Variants in ERC2 observed in about 807,000 individuals in gnomAD.
The protein encoded by ERC2 is ELKS/RAB6-interacting/CAST family member 2.
A neutral mutation model predicts 114.8 loss-of-function variants in ERC2; 42 were observed. That is an observed-to-expected ratio of 0.37 (90% confidence interval 0.29 to 0.47). The LOEUF is 0.47. Ranked by LOEUF, ERC2 falls within the 20% of genes least tolerant of loss-of-function variation. The pLI, the probability that ERC2 is intolerant of heterozygous loss-of-function variation, is 0.99. For synonymous variants in ERC2, 454 were observed against 425.5 expected (o/e 1.07, Z -0.82); for missense variants, 939 against 1,150.7 (o/e 0.82, Z 2.66).
chr3:55,699,954 A>G (rs2063134674), intron 15 of ERC2, among the ~76,000 whole-genome samples: 1 of 152,186 alleles, frequency 6.6e-6, no homozygotes, highest in Middle Eastern at 3.2e-3. Context: ...CAGATAAACA[A>G]TGGTCTCACA....
chr3:56,197,856 T>C (rs919051021), intron 3 of ERC2, among the ~76,000 whole-genome samples: 3 of 152,212 alleles, frequency 2.0e-5, no homozygotes, highest in African/African-American at 7.2e-5. Flanking sequence ...AAATTCTTAG[T>C]GTTTGGGTTC....
chr3:55,625,973 A>G (rs1199720301), intron 17 of ERC2, among the ~76,000 whole-genome samples: 2 of 152,168 alleles, frequency 1.3e-5, no homozygotes, highest in African/African-American at 2.4e-5. Context: ...GAAGTACCCT[A>G]TTATCTCAGG....
chr3:55,950,412 A>G lies in ERC2; in HGVS notation c.2403+13T>C. 6.2e-7 allele frequency: 1 copy of G among 1,613,806 alleles called. No homozygotes were observed. The highest frequency in any genetic ancestry group is 1.1e-5 in the South Asian group (1 of 91,072). On this transcript the variant is annotated intron_variant, in intron 13 of 17. Coordinates refer to ENST00000288221, the MANE Select transcript of ERC2 (RefSeq NM_015576.3). The stretch of plus-strand genomic sequence containing the variant: ...TAGTTATTTAGCGATTAAGAAGAGA[A>G]GCCTGTGCTTACCTGCAAATGCTGT...
chr3:55,777,826 C>T (rs2068740244), intron 14 of ERC2, among the ~76,000 whole-genome samples: 1 of 152,126 alleles, frequency 6.6e-6, no homozygotes, highest in Non-Finnish European at 1.5e-5. Flanking sequence ...ATGGGAACTT[C>T]AGAATACTGT....
chr3:55,928,664 T>A (rs146555531), intron 13 of ERC2, among the ~76,000 whole-genome samples: 40 of 152,342 alleles, frequency 2.6e-4, no homozygotes, highest in African/African-American at 9.1e-4. Flanking sequence ...TGTGGGGTAT[T>A]ACTCAAGAAA....
At chr3:56,226,412 C>T (rs751819535) in intron 3 of ERC2, among the ~76,000 whole-genome samples, 7 of 152,108 alleles carry the variant, frequency 4.6e-5, no homozygotes, top group South Asian at 2.1e-4. Flanking sequence ...TAAAAGTGCA[C>T]GAAAAGTGGT....
At chr3:55,910,988 G>A (rs1412453380) in intron 13 of ERC2, among the ~76,000 whole-genome samples, 1 of 152,156 alleles carries the variant, frequency 6.6e-6, no homozygotes, top group African/African-American at 2.4e-5. Flanking sequence ...CTGCACTCAT[G>A]GTGCTCATAG....
At chr3:55,826,786 GT>G (rs1664947065) in intron 14 of ERC2, among the ~76,000 whole-genome samples, 1 of 152,144 alleles carries the variant, frequency 6.6e-6, no homozygotes, top group African/African-American at 2.4e-5. Flanking sequence ...AAGTGTATTT[GT>G]TGTCTTACTT....
chr3:56,253,489 G>C (rs1044039076), intron 3 of ERC2, among the ~76,000 whole-genome samples: 2 of 152,200 alleles, frequency 1.3e-5, no homozygotes. Flanking sequence ...TCCAGAAGTG[G>C]AGTTACGGAA....
chr3:56,187,682 G>A (rs148082322), intron 3 of ERC2, among the ~76,000 whole-genome samples: 6 of 152,248 alleles, frequency 3.9e-5, no homozygotes, highest in Non-Finnish European at 5.9e-5. Context: ...TCAGAAATAC[G>A]TAAATCAACA....
rs188371350 is a variant in ERC2, at chr3:56,218,330, G to A, written c.1075-44810C>T. Reference sequence around the variant, plus strand: ...CAACCCCATCAACAAGTGGGTGAAGGACATGAACAGACACTTCTCAAAAGG... The same window carrying A: ...CAACCCCATCAACAAGTGGGTGAAGAACATGAACAGACACTTCTCAAAAGG... On this transcript the variant is annotated intron_variant, in intron 3 of 17. Transcript: ENST00000288221. Among the ~76,000 whole-genome samples, 568 of 152,280 alleles carry A rather than the reference G, an allele frequency of 3.7e-3. 5 individuals carry two copies. Among genetic ancestry groups the A allele is most frequent in the Admixed American group, 0.034 (523 of 15,304 alleles).
At chr3:55,642,704 CTA>C (rs1265435894) in intron 17 of ERC2, among the ~76,000 whole-genome samples, 1 of 152,054 alleles carries the variant, frequency 6.6e-6, no homozygotes, top group Non-Finnish European at 1.5e-5. Context: ...TGTGCCATTC[CTA>C]TGTCATCCCA....
rs560717614 is a variant in ERC2, at chr3:55,798,286, A to G, written c.2565-63368T>C. 7.6e-4 allele frequency among the ~76,000 whole-genome samples: 116 copies of G among 152,252 alleles called. 1 individual carries two copies. The Middle Eastern group carries it at 0.017, about 22-fold the overall frequency. ...AAGACCACAGAGCATTAAAGAAAAA[A>G]GATCTTAGAAATAATCACAGAGGGG... is the stretch of plus-strand genomic sequence containing the variant. On this transcript the variant is annotated intron_variant, in intron 14 of 17. Coordinates refer to ENST00000288221, the MANE Select transcript of ERC2 (RefSeq NM_015576.3).
intron 2 of ERC2, among the ~76,000 whole-genome samples, chr3:56,384,015 T>C (rs1435242413): frequency 2.0e-5 from 3 of 152,212 alleles, no homozygotes; most frequent in African/African-American, 7.2e-5. Flanking sequence ...ATCCATGTCA[T>C]AGTATGTGTC....
At chr3:55,714,366 A>G (rs1268207950) in intron 15 of ERC2, among the ~76,000 whole-genome samples, 1 of 152,160 alleles carries the variant, frequency 6.6e-6, no homozygotes, top group South Asian at 2.1e-4. Context: ...ACAAAAGGGT[A>G]TCACAGGGAT....
chr3:55,550,754 C>T (rs1022046994), intron 17 of ERC2, among the ~76,000 whole-genome samples: 19 of 152,200 alleles, frequency 1.2e-4, no homozygotes, highest in Admixed American at 2.6e-4. Context: ...CAGTGGCTCA[C>T]GCCTATAATC....
chr3:55,659,233 C>T (rs2061011594), intron 17 of ERC2: 1 of 152,186 alleles, frequency 6.6e-6, no homozygotes, highest in Admixed American at 6.5e-5. Context: ...GGAAGATTTG[C>T]TTCCTAGCTG....
At chr3:56,024,977 T>C (rs187278341) in intron 7 of ERC2, among the ~76,000 whole-genome samples, 222 of 152,310 alleles carry the variant, frequency 1.5e-3, no homozygotes, top group African/African-American at 4.8e-3. Flanking sequence ...TCATGAGCAA[T>C]GTATGGACAA....
At chr3:56,322,760 T>A (rs116828752) in intron 2 of ERC2, among the ~76,000 whole-genome samples, 1 of 152,076 alleles carries the variant, frequency 6.6e-6, no homozygotes, top group Non-Finnish European at 1.5e-5. Context: ...AAATTGGGAA[T>A]CTGGAAAGAT....
Sources: allele counts gnomAD v4.1 joint callset (sites outside exome capture counted in the v4.1 genomes callset), GRCh38; gene constraint gnomAD v4.1.1; transcripts MANE v1.5; gene names NCBI Gene and HGNC (gene_info 2026-07-23, HGNC 2026-07-21).